Variants in DACH2 observed in about 807,000 individuals in gnomAD.
The protein encoded by DACH2 is dachshund homolog 2.
A neutral mutation model predicts 35.8 loss-of-function variants in DACH2; 17 were observed. The ratio of observed to expected loss-of-function variants is 0.48; its 90% CI spans 0.33 to 0.71. The LOEUF is 0.71. DACH2 is among the 30% of genes least tolerant of loss of function. The probability of loss-of-function intolerance (pLI) is 0.02; values close to 1 mark genes in which losing one functional copy is unlikely to be tolerated. For missense variants in DACH2, 469 were observed against 472.7 expected, an observed-to-expected ratio of 0.99 and a Z score of 0.07; for synonymous variants, 195 against 177.3, an observed-to-expected ratio of 1.10 and a Z score of -0.79.
intron 4 of DACH2, among the ~76,000 whole-genome samples, chrX:86,654,187 TAAAAAA>T (rs764775335): frequency 7.4e-5 from 3 of 40,451 alleles, no homozygotes; most frequent in African/African-American, 1.6e-4. Context: ...ACATTTTTAG[TAAAAAA>T]AAAAAAAAAA....
chrX:86,373,331 G>T (rs971523403), intron 1 of DACH2, among the ~76,000 whole-genome samples: 1 of 111,105 alleles, frequency 9.0e-6, no homozygotes, highest in Non-Finnish European at 1.9e-5. Context: ...TATGTAAACT[G>T]TTTTGATTTT....
chrX:86,528,729 T>G (rs1408782261), intron 3 of DACH2, among the ~76,000 whole-genome samples: 1 of 112,433 alleles, frequency 8.9e-6, no homozygotes, highest in Non-Finnish European at 1.9e-5. Context: ...TTTCACAGTG[T>G]AACCACTATG....
At chrX:86,514,464 C>G in intron 3 of DACH2, 73 bp downstream of exon 3, 1 of 929,767 alleles carries the variant, frequency 1.1e-6, no homozygotes, top group Non-Finnish European at 1.5e-6. Flanking sequence ...CAATATTGAT[C>G]TAACTGCCTT....
intron 7 of DACH2, among the ~76,000 whole-genome samples, chrX:86,810,857 A>C (rs1344514650): frequency 2.0e-4 from 22 of 111,884 alleles, no homozygotes; most frequent in Non-Finnish European, 5.6e-5. Flanking sequence ...CTTTATAAAA[A>C]AAAAAGTAGA....
intron 1 of DACH2, among the ~76,000 whole-genome samples, chrX:86,288,525 G>A (rs761343376): frequency 2.7e-5 from 3 of 112,162 alleles, no homozygotes; most frequent in Non-Finnish European, 5.6e-5. Context: ...TGGGAGGCAG[G>A]CCCTAGAGTC....
intron 7 of DACH2, among the ~76,000 whole-genome samples, chrX:86,786,277 G>A: frequency 8.9e-6 from 1 of 111,939 alleles, no homozygotes; most frequent in Non-Finnish European, 1.9e-5. Context: ...AGCAGTACCA[G>A]AAGTTCTTGC....
At chrX:86,332,439 G>A (rs1293366798) in intron 1 of DACH2, among the ~76,000 whole-genome samples, 1 of 111,427 alleles carries the variant, frequency 9.0e-6, no homozygotes, top group African/African-American at 3.3e-5. Context: ...AGTAAAATGA[G>A]GCAGATTCTG....
Position 86,585,259 on chromosome X carries a change from T to G in DACH2, c.641-65777T>G, listed in dbSNP as rs141539202. ...GCATACCACAGTGGCTGAACTAATT[T>G]ACATTCTCACGATCATTGTAATGTT... On this transcript the variant is annotated intron_variant, in intron 3 of 11. Coordinates refer to ENST00000373125, the MANE Select transcript of DACH2 (RefSeq NM_053281.3). Among the ~76,000 whole-genome samples the G allele has an allele frequency of 4.5e-4, 50 of 111,635 alleles. No homozygotes were observed. In the East Asian group the frequency reaches 0.012, roughly 27 times the overall value.
chrX:86,811,688 C>A (rs2042396164), intron 7 of DACH2, among the ~76,000 whole-genome samples: 2 of 111,367 alleles, frequency 1.8e-5, no homozygotes, highest in African/African-American at 6.5e-5. Context: ...AACTGAATTT[C>A]TTTCGTTAAC....
chrX:86,805,554 T>G (rs1430231649), intron 7 of DACH2, among the ~76,000 whole-genome samples: 9 of 108,658 alleles, frequency 8.3e-5, no homozygotes, highest in Non-Finnish European at 1.7e-4. Flanking sequence ...CACCAGAAAA[T>G]GGGCTTTTTT....
Position 86,714,046 on chromosome X carries a change from A to G in DACH2, c.932-502A>G, listed in dbSNP as rs761487553. Reference sequence around the variant, plus strand: ...GCATTCATTTTAGAGATTTATATCTAAAAGGGTATAACATACTCCAAGTCT... The same window carrying G: ...GCATTCATTTTAGAGATTTATATCTGAAAGGGTATAACATACTCCAAGTCT... On this transcript the variant is annotated intron_variant, in intron 5 of 11. Transcript: ENST00000373125. Among the ~76,000 whole-genome samples the G allele has an allele frequency of 8.0e-5, 9 of 111,865 alleles. No homozygotes were observed. In the South Asian group the frequency reaches 3.3e-3, roughly 41 times the overall value.
chrX:86,494,828 T>C (rs1344273898), intron 2 of DACH2, among the ~76,000 whole-genome samples: 7 of 112,327 alleles, frequency 6.2e-5, no homozygotes, highest in Non-Finnish European at 1.3e-4. Context: ...ATATGAGTAG[T>C]ATATAAATAT....
intron 1 of DACH2, among the ~76,000 whole-genome samples, 182 bp downstream of exon 1, chrX:86,149,290 G>T (rs1003528454): frequency 8.9e-6 from 1 of 111,856 alleles, no homozygotes; most frequent in Non-Finnish European, 1.9e-5. Context: ...GTGCCTTCTA[G>T]TCCACGCTCA....
At chrX:86,751,719 A>T (rs1254081284) in intron 7 of DACH2, among the ~76,000 whole-genome samples, 1 of 111,249 alleles carries the variant, frequency 9.0e-6, no homozygotes, top group African/African-American at 3.3e-5. Context: ...GCAGGAAGGA[A>T]GGAAATAGGA....
At chrX:86,472,847 A>G (rs187152381) in intron 2 of DACH2, among the ~76,000 whole-genome samples, 24 of 112,094 alleles carry the variant, frequency 2.1e-4, no homozygotes, top group Admixed American at 1.8e-3. Context: ...ATATCGATAG[A>G]TTAGCCTTAG....
At chrX:86,581,477 T>C (rs1428302301) in intron 3 of DACH2, among the ~76,000 whole-genome samples, 1 of 111,504 alleles carries the variant, frequency 9.0e-6, no homozygotes, top group Non-Finnish European at 1.9e-5. Context: ...GTTTGAGAGA[T>C]GCATCTCACA....
intron 1 of DACH2, among the ~76,000 whole-genome samples, chrX:86,221,742 C>T (rs1346828442): frequency 8.9e-6 from 1 of 111,940 alleles, no homozygotes; most frequent in African/African-American, 3.2e-5. Context: ...AAGCCAGGCG[C>T]ATTAGTTTGC....
At chrX:86,477,365 T>TAC (rs1556235171) in intron 2 of DACH2, among the ~76,000 whole-genome samples, 1 of 101,296 alleles carries the variant, frequency 9.9e-6, no homozygotes, top group African/African-American at 3.6e-5. Flanking sequence ...TATATATATA[T>TAC]ATATAATTGT....
At chrX:86,664,085 G>T (rs2040638985) in intron 4 of DACH2, among the ~76,000 whole-genome samples, 1 of 111,662 alleles carries the variant, frequency 9.0e-6, no homozygotes, top group East Asian at 2.8e-4. Flanking sequence ...GAGCACAAAT[G>T]CTATTCCCTT....
Sources: allele counts gnomAD v4.1 joint callset (sites outside exome capture counted in the v4.1 genomes callset), GRCh38; gene constraint gnomAD v4.1.1; transcripts MANE v1.5; gene names NCBI Gene and HGNC (gene_info 2026-07-23, HGNC 2026-07-21).